TRAP1: variants seen among roughly 807,000 people sequenced by gnomAD.
The protein encoded by TRAP1 is heat shock protein 75 kDa, mitochondrial.
TRAP1 carries 102 observed loss-of-function variants against 89.1 expected under a neutral mutation model. The observed-to-expected ratio is 1.15, with a 90% confidence interval of 0.98 to 1.35. The LOEUF is 1.35. Among genes scored for constraint, TRAP1 ranks in the 40% most tolerant of loss-of-function variants. The pLI, the probability that TRAP1 is intolerant of heterozygous loss-of-function variation, is 0.00. For missense variants in TRAP1, 1,256 were observed against 945.3 expected, an observed-to-expected ratio of 1.33 and a Z score of -4.31; for synonymous variants, 508 against 388.0, an observed-to-expected ratio of 1.31 and a Z score of -3.64.
In TRAP1 at chr16:3,671,803, G is replaced by A. The variant is rs772642851; in HGVS notation, c.1166-12C>T. 2.5e-5 allele frequency: 40 copies of A among 1,611,164 alleles called. No homozygotes were observed. Among genetic ancestry groups the A allele is most frequent in the Admixed American group, 2.2e-4 (13 of 59,960 alleles). ...ACTGTCCACCACACCTGGGAGACAC[G>A]GCAGTCAGCTTCTCCCGGGGCTGCG... On this transcript the variant is annotated splice_polypyrimidine_tract_variant and intron_variant, in intron 10 of 17. Coordinates refer to ENST00000246957, the MANE Select transcript of TRAP1 (RefSeq NM_016292.3).
rs199860517 is a variant in TRAP1 at position 3,671,827 on chromosome 16, C to T, written c.1166-36G>A. The T allele has an allele frequency of 2.3e-5, 37 of 1,601,026 alleles. No homozygotes were observed. In the East Asian group the frequency reaches 6.5e-4, roughly 28 times the overall value. On this transcript the variant is annotated intron_variant, in intron 10 of 17. Coordinates refer to ENST00000246957, the MANE Select transcript of TRAP1 (RefSeq NM_016292.3). ...CGGCAGTCAGCTTCTCCCGGGGCTG[C>T]GGCCCTCCACACCACCCAACATTCC... is the stretch of plus-strand genomic sequence containing the variant.
At position 3,674,490 on chromosome 16, in the gene TRAP1, A is replaced by G; in HGVS notation, c.893T>C (p.Ile298Thr). Residue 298 changes from isoleucine to threonine, a missense_variant, in exon 9 of 18, where the codon ATC becomes ACC. By Grantham distance (89) the Ile-to-Thr change is moderately conservative. Transcript: ENST00000246957. Reference protein sequence around the residue: ...NGRRMNTLQAIWMMDPKDVRE... With the variant: ...NGRRMNTLQATWMMDPKDVRE... ...GACATCCTTGGGGTCCATCATCCAGATGGCCTGGAAACGGAGATCGGCGGG... is the reference window on the plus strand; with the variant it reads ...GACATCCTTGGGGTCCATCATCCAGGTGGCCTGGAAACGGAGATCGGCGGG... 6.2e-7 allele frequency: 1 copy of G among 1,613,804 alleles called. No individual in the cohort carries two copies. The highest frequency in any genetic ancestry group is 1.1e-5 in the South Asian group (1 of 91,060).
Position 3,717,504 on chromosome 16 carries a change from G to C in TRAP1, c.5C>G (p.Ala2Gly). ...CAGCAGCAGCGCCCGCAGCTCGCGC[G>C]CCATGTCGTACTCCCAGAGCGCCGC... is the stretch of plus-strand genomic sequence containing the variant. M[A>G]RELRALLLWG... Residue 2 changes from alanine (A) to glycine (G), a missense_variant, in exon 1 of 18, where the codon GCG becomes GGG. Transcript: ENST00000246957. The C allele has an allele frequency of 7.4e-7, 1 of 1,352,122 alleles. No homozygotes were observed. The highest frequency in any genetic ancestry group is 9.5e-7 in the Non-Finnish European group (1 of 1,053,632). The allele number at this position is 1,352,122 out of a possible 1,614,324, so 83.8% of individuals were successfully genotyped here.
chr16:3,697,504 A>G (rs1446423066), intron 1 of TRAP1, among the ~76,000 whole-genome samples: 2 of 151,764 alleles, frequency 1.3e-5, no homozygotes, highest in African/African-American at 4.8e-5. Context: ...CTCTACTAAA[A>G]ATACAAAAAA....
chr16:3,658,323 G>T, intron 17 of TRAP1, 93 bp from the exon 18 acceptor site: 1 of 992,044 alleles, frequency 1.0e-6, no homozygotes, highest in Non-Finnish European at 1.5e-6. Flanking sequence ...TGCCGAGGCT[G>T]GAGTGCAGAG....
intron 4 of TRAP1, among the ~76,000 whole-genome samples, chr16:3,685,608 G>C (rs933403920): frequency 2.0e-5 from 3 of 152,124 alleles, no homozygotes; most frequent in African/African-American, 7.2e-5. Flanking sequence ...TTTCCACAAG[G>C]CTACAGCAGC....
intron 14 of TRAP1, 165 bp from the exon 15 acceptor site, chr16:3,663,132 C>T: frequency 1.5e-6 from 1 of 676,426 alleles, no homozygotes; most frequent in Non-Finnish European, 2.5e-6. Context: ...AAGGATGCTT[C>T]AGGTTGCCTG....
At chr16:3,680,092 T>A (rs561313658) in intron 4 of TRAP1, 34 of 277,892 alleles carry the variant, frequency 1.2e-4, no homozygotes, top group African/African-American at 6.0e-4. Flanking sequence ...CCAGGCATGA[T>A]GGCGAGCACC....
At chr16:3,704,787 G>A (rs749665011) in intron 1 of TRAP1, among the ~76,000 whole-genome samples, 15 of 152,150 alleles carry the variant, frequency 9.9e-5, no homozygotes, top group Non-Finnish European at 1.8e-4. Context: ...GCCAAGTTGG[G>A]AGGAACACTT....
intron 1 of TRAP1, among the ~76,000 whole-genome samples, chr16:3,714,477 A>G (rs2051571631): frequency 6.6e-6 from 1 of 152,086 alleles, no homozygotes; most frequent in East Asian, 1.9e-4. Context: ...TGGCCAGCAT[A>G]GTGAAACCCC....
chr16:3,680,148 C>T (rs369215242), intron 4 of TRAP1: 24 of 216,666 alleles, frequency 1.1e-4, no homozygotes, highest in African/African-American at 4.7e-4. Flanking sequence ...ATTGCTTGAG[C>T]CCAGTGAACC....
At chr16:3,703,690 C>G (rs2051399970) in intron 1 of TRAP1, among the ~76,000 whole-genome samples, 1 of 151,948 alleles carries the variant, frequency 6.6e-6, no homozygotes, top group African/African-American at 2.4e-5. Flanking sequence ...TATCAATAAT[C>G]TACAAAATAA....
At chr16:3,675,905 C>T (rs978506286) in intron 7 of TRAP1, 131 bp downstream of exon 7, 27 of 752,024 alleles carry the variant, frequency 3.6e-5, no homozygotes, top group Admixed American at 1.2e-4. Context: ...AGTCCCGCAG[C>T]GGCTCGGCCC....
chr16:3,703,649 C>A (rs2051399392), intron 1 of TRAP1, among the ~76,000 whole-genome samples: 1 of 151,970 alleles, frequency 6.6e-6, no homozygotes, highest in Non-Finnish European at 1.5e-5. Flanking sequence ...ATCAGATATA[C>A]CTCTGTATCG....
chr16:3,711,092 G>A (rs1310851728), intron 1 of TRAP1, among the ~76,000 whole-genome samples: 1 of 151,112 alleles, frequency 6.6e-6, no homozygotes, highest in African/African-American at 2.4e-5. Flanking sequence ...GCCCAGGCTG[G>A]TCTCAAACTC....
chr16:3,692,798 C>G (rs1389841779), intron 1 of TRAP1, among the ~76,000 whole-genome samples: 1 of 151,352 alleles, frequency 6.6e-6, no homozygotes, highest in Non-Finnish European at 1.5e-5. Flanking sequence ...AGGGTTTCAC[C>G]ATGTTGGCCA....
At chr16:3,673,947 G>C (rs2050951495) in intron 9 of TRAP1, among the ~76,000 whole-genome samples, 1 of 152,064 alleles carries the variant, frequency 6.6e-6, no homozygotes, top group Non-Finnish European at 1.5e-5. Context: ...TGTAGGCTCT[G>C]AGGGCCCTCC....
chr16:3,663,188 T>A (rs1314136269), intron 14 of TRAP1: 1 of 668,186 alleles, frequency 1.5e-6, no homozygotes, highest in Non-Finnish European at 2.5e-6. Context: ...ACACAGCCTC[T>A]CAAGAAGCTG....
chr16:3,679,653 C>T, intron 5 of TRAP1, 66 bp downstream of exon 5: 2 of 1,555,202 alleles, frequency 1.3e-6, no homozygotes, highest in Non-Finnish European at 1.8e-6. Context: ...CCCAGGGCCA[C>T]CCCTACTGGA....
Sources: allele counts gnomAD v4.1 joint callset (sites outside exome capture counted in the v4.1 genomes callset), GRCh38; gene constraint gnomAD v4.1.1; transcripts MANE v1.5; gene names NCBI Gene and HGNC (gene_info 2026-07-23, HGNC 2026-07-21).